The following MTPN variants were observed in gnomAD, a reference collection of about 807,000 sequenced individuals.
MTPN encodes granule cell differentiation protein.
A neutral mutation model predicts 13.5 loss-of-function variants in MTPN; 2 were observed. The observed-to-expected ratio is 0.15, with a 90% confidence interval of 0.06 to 0.47. The LOEUF is 0.47. Ranked by LOEUF, MTPN falls within the 20% of genes least tolerant of loss-of-function variation. The pLI, the probability that MTPN is intolerant of heterozygous loss-of-function variation, is 0.97. For synonymous variants in MTPN, 46 were observed against 51.7 expected, an observed-to-expected ratio of 0.89 and a Z score of 0.48; for missense variants, 79 against 137.9, an observed-to-expected ratio of 0.57 and a Z score of 2.14.
chr7:135,977,320 G>A lies in MTPN; in HGVS notation c.-220C>T. 2 of 585,456 alleles carry A rather than the reference G, an allele frequency of 3.4e-6. No homozygotes were observed. The highest frequency in any genetic ancestry group is 2.0e-5 in the South Asian group (1 of 51,070). 36.3% of individuals were successfully genotyped at this position (585,456 alleles called of 1,614,324 possible). Reference sequence around the variant, plus strand: ...TTGCGGCCACCGGGCCCAGCAGAGAGGTTCCGCCTGGCCGAGGAGAGGCAG... The same window carrying A: ...TTGCGGCCACCGGGCCCAGCAGAGAAGTTCCGCCTGGCCGAGGAGAGGCAG... On this transcript the variant is annotated 5_prime_UTR_variant, in exon 1 of 4. Transcript: ENST00000393085.
chr7:135,935,560 A>AG (rs959169663), intron 3 of MTPN, among the ~76,000 whole-genome samples: 14 of 152,090 alleles, frequency 9.2e-5, no homozygotes, highest in African/African-American at 2.9e-4. Flanking sequence ...CACAACTCTA[A>AG]TTCAGACTCT....
intron 1 of MTPN, among the ~76,000 whole-genome samples, chr7:135,963,923 A>G (rs35368447): frequency 0.012 from 1,761 of 152,160 alleles, 16 homozygotes; most frequent in African/African-American, 0.021. Flanking sequence ...TTACACTTAG[A>G]AATTTTCTAA....
intron 3 of MTPN, among the ~76,000 whole-genome samples, chr7:135,947,546 T>C (rs995031102): frequency 6.6e-6 from 1 of 152,188 alleles, no homozygotes; most frequent in Non-Finnish European, 1.5e-5. Context: ...TGTTGATCTC[T>C]ACATTTTTCT....
At chr7:135,946,928 C>T (rs1388926805) in intron 3 of MTPN, among the ~76,000 whole-genome samples, 1 of 152,152 alleles carries the variant, frequency 6.6e-6, no homozygotes, top group Admixed American at 6.5e-5. Context: ...TCCTCTGCTG[C>T]TGCTACCTCT....
At chr7:135,959,556 C>A (rs1306777688) in intron 1 of MTPN, among the ~76,000 whole-genome samples, 1 of 152,100 alleles carries the variant, frequency 6.6e-6, no homozygotes, top group East Asian at 1.9e-4. Flanking sequence ...ACTGATTCGA[C>A]CTGATGATAT....
chr7:135,961,312 T>C (rs976481564), intron 1 of MTPN, among the ~76,000 whole-genome samples: 2 of 121,446 alleles, frequency 1.6e-5, no homozygotes, highest in African/African-American at 3.4e-5. Flanking sequence ...AAAAATTCAG[T>C]TGATTCCCCC....
At chr7:135,943,311 G>A (rs1002967338) in intron 3 of MTPN, among the ~76,000 whole-genome samples, 3 of 152,104 alleles carry the variant, frequency 2.0e-5, no homozygotes, top group Non-Finnish European at 4.4e-5. Flanking sequence ...TGCTAAAAAG[G>A]GCTAACTTTC....
intron 1 of MTPN, among the ~76,000 whole-genome samples, chr7:135,951,872 A>G (rs1261318694): frequency 6.6e-6 from 1 of 152,230 alleles, no homozygotes; most frequent in Non-Finnish European, 1.5e-5. Context: ...AATGATAAAT[A>G]TAACGAAATA....
chr7:135,930,296 T>C (rs983575509), intron 3 of MTPN, among the ~76,000 whole-genome samples: 2 of 152,208 alleles, frequency 1.3e-5, no homozygotes, highest in Non-Finnish European at 2.9e-5. Context: ...GTTGAGCAAG[T>C]TAGATATATT....
At chr7:135,973,597 A>G (rs1799728619) in intron 1 of MTPN, among the ~76,000 whole-genome samples, 1 of 152,182 alleles carries the variant, frequency 6.6e-6, no homozygotes, top group Admixed American at 6.5e-5. Flanking sequence ...GAAATGTAAG[A>G]CAAAGTCAAA....
At chr7:135,932,680 T>C (rs1799042479) in intron 3 of MTPN, 1 of 151,504 alleles carries the variant, frequency 6.6e-6, no homozygotes, top group Non-Finnish European at 1.5e-5. Context: ...AGCCTTAAGA[T>C]AAAAAAAATT....
chr7:135,957,720 T>G (rs62489148), intron 1 of MTPN, among the ~76,000 whole-genome samples: 17,053 of 152,204 alleles, frequency 0.11, 1,207 homozygotes, highest in East Asian at 0.16. Context: ...GAGCGGGATC[T>G]CTGAAGAATA....
chr7:135,963,361 AG>A (rs1799553390), intron 1 of MTPN, among the ~76,000 whole-genome samples: 1 of 152,044 alleles, frequency 6.6e-6, no homozygotes, highest in Admixed American at 6.6e-5. Flanking sequence ...TTTGCAAAAA[AG>A]AATCACCTAT....
At chr7:135,970,903 C>T (rs1051678652) in intron 1 of MTPN, among the ~76,000 whole-genome samples, 4 of 151,862 alleles carry the variant, frequency 2.6e-5, no homozygotes, top group African/African-American at 9.7e-5. Context: ...GAAAGGGCAA[C>T]ACACAGTGAT....
In MTPN at chr7:135,929,800, C is replaced by T; in HGVS notation, c.*126G>A. Reference sequence around the variant, plus strand: ...GTAGTCGGATTTGTTATGAATTTCTCTCTCCCCTCACCCCTCTTAAAGTAT... The same window carrying T: ...GTAGTCGGATTTGTTATGAATTTCTTTCTCCCCTCACCCCTCTTAAAGTAT... On this transcript the variant is annotated 3_prime_UTR_variant, in exon 4 of 4. Transcript: ENST00000393085. 1.1e-6 allele frequency: 1 copy of T among 925,684 alleles called. No individual in the cohort carries two copies. Among genetic ancestry groups the T allele is most frequent in the South Asian group, 1.6e-5 (1 of 63,910 alleles). The allele number at this position is 925,684 out of a possible 1,614,324, so 57.3% of individuals were successfully genotyped here.
intron 3 of MTPN, among the ~76,000 whole-genome samples, chr7:135,937,405 CCT>C (rs146024186): frequency 1.4e-5 from 2 of 143,642 alleles, no homozygotes; most frequent in East Asian, 2.0e-4. Context: ...ACACACAAAA[CCT>C]CTCTCTCTCT....
chr7:135,928,456 AATT>A lies in MTPN; in HGVS notation c.*1467_*1469del, dbSNP rs1171517842. ...CTATGTTGCCTTTAAAAACCAATTCAATTATTATCCACAATCTGAGTATCAGTC... is the reference window on the plus strand; with the variant it reads ...CTATGTTGCCTTTAAAAACCAATTCAATTATCCACAATCTGAGTATCAGTC... On this transcript the variant is annotated 3_prime_UTR_variant, in exon 4 of 4. Coordinates refer to ENST00000393085, the MANE Select transcript of MTPN (RefSeq NM_145808.4). 6.0e-6 allele frequency: 1 copy of A among 166,956 alleles called. No homozygotes were observed. Among genetic ancestry groups the A allele is most frequent in the Non-Finnish European group, 1.5e-5 (1 of 68,086 alleles). The allele number at this position is 166,956 out of a possible 1,614,324, so 10.3% of individuals were successfully genotyped here.
intron 1 of MTPN, among the ~76,000 whole-genome samples, chr7:135,971,213 AG>A (rs1799688691): frequency 6.6e-6 from 1 of 152,174 alleles, no homozygotes; most frequent in Non-Finnish European, 1.5e-5. Flanking sequence ...CCACAGAGAA[AG>A]GGAAGTTAGA....
At chr7:135,932,199 T>G (rs917665548) in intron 3 of MTPN, 1 of 152,148 alleles carries the variant, frequency 6.6e-6, no homozygotes, top group African/African-American at 2.4e-5. Flanking sequence ...AGCGGAATAC[T>G]CTCTCCTAGA....
Sources: allele counts gnomAD v4.1 joint callset (sites outside exome capture counted in the v4.1 genomes callset), GRCh38; gene constraint gnomAD v4.1.1; transcripts MANE v1.5; gene names NCBI Gene and HGNC (gene_info 2026-07-23, HGNC 2026-07-21).